Variants in ATP1B3 observed in about 807,000 individuals in gnomAD.
The protein encoded by ATP1B3 is sodium/potassium-transporting ATPase subunit beta-3.
A neutral mutation model predicts 30.2 loss-of-function variants in ATP1B3; 10 were observed. The observed-to-expected ratio is 0.33, with a 90% confidence interval of 0.20 to 0.56. The LOEUF (loss-of-function observed/expected upper bound fraction) is 0.56. Ranked by LOEUF, ATP1B3 falls within the 20% of genes least tolerant of loss-of-function variation. ATP1B3 has a pLI of 0.90. For missense variants in ATP1B3, 238 were observed against 336.7 expected (o/e 0.71, Z 2.29); for synonymous variants, 113 against 117.0 (o/e 0.97, Z 0.22).
Position 141,913,652 on chromosome 3 carries a change from C to G in ATP1B3, c.347C>G (p.Pro116Arg). Residue 116 changes from proline to arginine, a missense_variant and splice_region_variant, in exon 4 of 7, where the codon CCA becomes CGA. By Grantham distance (103) the Pro-to-Arg change is moderately radical. Coordinates refer to ENST00000286371, the MANE Select transcript of ATP1B3 (RefSeq NM_001679.4). ...YIEDLKKFLKPYTLEEQKNLT... is the reference protein window; with the variant it reads ...YIEDLKKFLKRYTLEEQKNLT... ...GCACACATATATGTTTCCTTTTTAGCATATACTTTAGAAGAACAGAAGAAC... is the reference window on the plus strand; with the variant it reads ...GCACACATATATGTTTCCTTTTTAGGATATACTTTAGAAGAACAGAAGAAC... 6.2e-7 allele frequency: 1 copy of G among 1,607,502 alleles called. No individual in the cohort carries two copies. Among genetic ancestry groups the G allele is most frequent in the Non-Finnish European group, 8.5e-7 (1 of 1,178,234 alleles).
Position 141,913,633 on chromosome 3 carries a change from A to G in ATP1B3, c.347-19A>G. On this transcript the variant is annotated intron_variant, in intron 3 of 6. Coordinates refer to ENST00000286371, the MANE Select transcript of ATP1B3 (RefSeq NM_001679.4). Reference sequence around the variant, plus strand: ...ACCTTTTTTGGCTGATCTAGCACACATATATGTTTCCTTTTTAGCATATAC... The same window carrying G: ...ACCTTTTTTGGCTGATCTAGCACACGTATATGTTTCCTTTTTAGCATATAC... 2.5e-6 allele frequency: 4 copies of G among 1,602,748 alleles called. No individual in the cohort carries two copies. Among genetic ancestry groups the G allele is most frequent in the Non-Finnish European group, 3.4e-6 (4 of 1,175,936 alleles).
At chr3:141,916,345 T>C (rs759890220) in intron 5 of ATP1B3, 9 of 472,782 alleles carry the variant, frequency 1.9e-5, no homozygotes, top group Non-Finnish European at 3.8e-5. Context: ...GTCTTAATAC[T>C]GTATCATGAC....
At chr3:141,878,903 C>T (rs1368642927) in intron 1 of ATP1B3, among the ~76,000 whole-genome samples, 2 of 152,182 alleles carry the variant, frequency 1.3e-5, no homozygotes, top group Non-Finnish European at 2.9e-5. Context: ...AGGCCGAAAT[C>T]CATATTCAGC....
chr3:141,877,085 G>C (rs1052456763), intron 1 of ATP1B3, among the ~76,000 whole-genome samples, 175 bp downstream of exon 1: 9 of 151,018 alleles, frequency 6.0e-5, no homozygotes, highest in African/African-American at 2.2e-4. Flanking sequence ...CCCCGGGCCG[G>C]CCGGACTGGC....
intron 1 of ATP1B3, among the ~76,000 whole-genome samples, chr3:141,892,651 CAAAA>C (rs386398103): frequency 7.6e-4 from 53 of 70,024 alleles, no homozygotes; most frequent in African/African-American, 2.5e-3. Context: ...GAGACTGTCT[CAAAA>C]AAAAAAAAAA....
rs1234118095 is a variant in ATP1B3 at position 141,902,130 on chromosome 3, C to T, written c.110-1490C>T. ...TTGAGATTGGTCTTTTCTTTTTCTG[C>T]AACAGGATCGCAGTATGTGGTAGGG... On this transcript the variant is annotated intron_variant, in intron 1 of 6. Coordinates refer to ENST00000286371, the MANE Select transcript of ATP1B3 (RefSeq NM_001679.4). 9 of 1,289,586 alleles carry T rather than the reference C, an allele frequency of 7.0e-6. No individual in the cohort carries two copies. The South Asian group carries it at 9.9e-5, about 14-fold the overall frequency. 79.9% of individuals were successfully genotyped at this position (1,289,586 alleles called of 1,614,324 possible).
intron 4 of ATP1B3, among the ~76,000 whole-genome samples, chr3:141,915,699 G>A (rs1934450102): frequency 6.6e-6 from 1 of 152,090 alleles, no homozygotes; most frequent in African/African-American, 2.4e-5. Flanking sequence ...TATTTTAAGG[G>A]TAGCAAAGGG....
intron 6 of ATP1B3, among the ~76,000 whole-genome samples, chr3:141,922,426 G>A (rs1200695342): frequency 6.6e-6 from 1 of 151,916 alleles, no homozygotes; most frequent in Non-Finnish European, 1.5e-5. Context: ...GCCAAGGCGG[G>A]CGCATTACCT....
intron 3 of ATP1B3, among the ~76,000 whole-genome samples, chr3:141,912,907 T>TTA (rs1238180961): frequency 6.6e-6 from 1 of 152,226 alleles, no homozygotes; most frequent in Non-Finnish European, 1.5e-5. Context: ...CCTGGGCGGC[T>TTA]TTAATAGTCT....
chr3:141,896,546 T>C (rs1457185171), intron 1 of ATP1B3, among the ~76,000 whole-genome samples: 3 of 152,042 alleles, frequency 2.0e-5, no homozygotes, highest in Non-Finnish European at 4.4e-5. Context: ...AAGTAATATG[T>C]TTTGTTGTAA....
chr3:141,902,560 C>T (rs962386353), intron 1 of ATP1B3, among the ~76,000 whole-genome samples: 1 of 152,182 alleles, frequency 6.6e-6, no homozygotes, highest in African/African-American at 2.4e-5. Flanking sequence ...GATGTTAGAA[C>T]TTTGAATATA....
Position 141,876,846 on chromosome 3 carries a change from G to C in ATP1B3, c.45G>C (p.Glu15Asp). ...EKKSLNQSLAEWKLFIYNPTT... is the reference protein window; with the variant it reads ...EKKSLNQSLADWKLFIYNPTT... ...AGTCCCTCAACCAGAGCCTGGCCGAGTGGAAGCTCTTCATCTACAACCCGA... is the reference window on the plus strand; with the variant it reads ...AGTCCCTCAACCAGAGCCTGGCCGACTGGAAGCTCTTCATCTACAACCCGA... The change falls in exon 1 of 7, where the codon GAG becomes GAC. Residue 15 changes from glutamate (E) to aspartate (D), a missense_variant. Coordinates refer to ENST00000286371, the MANE Select transcript of ATP1B3 (RefSeq NM_001679.4). 1 of 1,586,854 alleles carries C rather than the reference G, an allele frequency of 6.3e-7. No individual in the cohort carries two copies.
At chr3:141,878,755 T>A (rs1933656796) in intron 1 of ATP1B3, among the ~76,000 whole-genome samples, 3 of 152,256 alleles carry the variant, frequency 2.0e-5, no homozygotes, top group Non-Finnish European at 4.4e-5. Context: ...CGATAAGTAT[T>A]ACTCTTATCA....
chr3:141,899,870 C>CA (rs946014399), intron 1 of ATP1B3, among the ~76,000 whole-genome samples: 9 of 151,268 alleles, frequency 5.9e-5, no homozygotes, highest in African/African-American at 1.5e-4. Flanking sequence ...ACTCCATCTC[C>CA]AAAAAAAAGT....
At chr3:141,915,920 C>T in intron 4 of ATP1B3, 50 bp from the exon 5 acceptor site, 1 of 1,451,752 alleles carries the variant, frequency 6.9e-7, no homozygotes, top group Non-Finnish European at 9.5e-7. Flanking sequence ...GAGGAAGTTC[C>T]ATTGCATACT....
At chr3:141,877,433 G>T (rs1933627583) in intron 1 of ATP1B3, 1 of 152,318 alleles carries the variant, frequency 6.6e-6, no homozygotes, top group Non-Finnish European at 1.5e-5. Flanking sequence ...ACCCCGACCG[G>T]TCGGAAGAGT....
At chr3:141,909,791 A>G (rs949030162) in intron 3 of ATP1B3, among the ~76,000 whole-genome samples, 1 of 152,216 alleles carries the variant, frequency 6.6e-6, no homozygotes, top group Non-Finnish European at 1.5e-5. Context: ...GTGAACAATA[A>G]CATGATCTAA....
intron 6 of ATP1B3, among the ~76,000 whole-genome samples, chr3:141,925,092 C>G (rs1934632647): frequency 6.6e-6 from 1 of 152,084 alleles, no homozygotes; most frequent in South Asian, 2.1e-4. Flanking sequence ...ACATTTTTAT[C>G]AGTAATTACA....
At chr3:141,881,364 C>G (rs1384976245) in intron 1 of ATP1B3, among the ~76,000 whole-genome samples, 1 of 152,120 alleles carries the variant, frequency 6.6e-6, no homozygotes, top group Non-Finnish European at 1.5e-5. Context: ...TCAGTGATTT[C>G]CAAGCCTAGT....
Sources: allele counts gnomAD v4.1 joint callset (sites outside exome capture counted in the v4.1 genomes callset), GRCh38; gene constraint gnomAD v4.1.1; transcripts MANE v1.5; gene names NCBI Gene and HGNC (gene_info 2026-07-23, HGNC 2026-07-21).